DTD1: variants seen among roughly 807,000 people sequenced by gnomAD.
The protein encoded by DTD1 is D-tyrosyl-tRNA deacylase 1 homolog.
DTD1 carries 13 observed loss-of-function variants against 25.6 expected under a neutral mutation model. The observed-to-expected ratio is 0.51, with a 90% CI of 0.33 to 0.81. The LOEUF is 0.81. Among genes scored for constraint, DTD1 ranks in the 30% least tolerant of loss-of-function variants. The pLI is 0.02. For synonymous variants in DTD1, 110 were observed against 103.6 expected, an observed-to-expected ratio of 1.06 and a Z score of -0.37; for missense variants, 193 against 266.4, an observed-to-expected ratio of 0.72 and a Z score of 1.92.
At chr20:18,680,844 G>C (rs1300853709) in intron 4 of DTD1, among the ~76,000 whole-genome samples, 2 of 152,120 alleles carry the variant, frequency 1.3e-5, no homozygotes, top group Non-Finnish European at 2.9e-5. Flanking sequence ...CTTTGGTGGT[G>C]TCATCTTAAA....
At chr20:18,723,739 T>G (rs1268924410) in intron 4 of DTD1, among the ~76,000 whole-genome samples, 4 of 152,236 alleles carry the variant, frequency 2.6e-5, no homozygotes, top group Admixed American at 1.3e-4. Context: ...GCAGCTCCAT[T>G]GTAGAGGAAA....
chr20:18,711,974 C>T (rs1031255882), intron 4 of DTD1, among the ~76,000 whole-genome samples: 1 of 151,346 alleles, frequency 6.6e-6, no homozygotes, highest in Non-Finnish European at 1.5e-5. Context: ...GAGGCTGAAG[C>T]AGGAGAATTG....
At chr20:18,619,432 AT>A (rs564886001) in intron 3 of DTD1, among the ~76,000 whole-genome samples, 11 of 150,952 alleles carry the variant, frequency 7.3e-5, no homozygotes, top group Admixed American at 6.6e-5. Context: ...TTTGTTTTTA[AT>A]TTTTTTTTGG....
intron 4 of DTD1, among the ~76,000 whole-genome samples, chr20:18,694,532 A>T (rs763912941): frequency 6.6e-6 from 1 of 152,196 alleles, no homozygotes; most frequent in Non-Finnish European, 1.5e-5. Flanking sequence ...GGCTATTATT[A>T]CGGTAACCTT....
chr20:18,623,046 T>G (rs1351622711), intron 3 of DTD1, among the ~76,000 whole-genome samples: 1 of 151,044 alleles, frequency 6.6e-6, no homozygotes, highest in East Asian at 1.9e-4. Flanking sequence ...TTCAAGCGAT[T>G]CTTCTGCCTC....
chr20:18,746,887 GT>G (rs1326883384), intron 5 of DTD1, among the ~76,000 whole-genome samples: 2 of 152,104 alleles, frequency 1.3e-5, no homozygotes, highest in East Asian at 3.9e-4. Context: ...TCATCACTGT[GT>G]TTTCCTGCTA....
chr20:18,676,833 C>T (rs571878567), intron 4 of DTD1, among the ~76,000 whole-genome samples: 14 of 152,296 alleles, frequency 9.2e-5, no homozygotes, highest in African/African-American at 2.9e-4. Flanking sequence ...TGGTGTTTCA[C>T]ACTTGTGCAT....
At chr20:18,707,863 C>T (rs1472785093) in intron 4 of DTD1, among the ~76,000 whole-genome samples, 1 of 152,004 alleles carries the variant, frequency 6.6e-6, no homozygotes, top group Non-Finnish European at 1.5e-5. Flanking sequence ...TGTCCCTTGG[C>T]ACCTCTCCGA....
chr20:18,751,084 T>TGTGG lies in DTD1; in HGVS notation c.*19+6814_*19+6815insTGGG, dbSNP rs771328640. 1.5e-4 allele frequency among the ~76,000 whole-genome samples: 22 copies of TGTGG among 151,420 alleles called. No individual in the cohort carries two copies. The East Asian group carries it at 4.1e-3, about 28-fold the overall frequency. On this transcript the variant is annotated intron_variant, in intron 5 of 5. Coordinates refer to ENST00000377452, the MANE Select transcript of DTD1 (RefSeq NM_080820.6). Reference sequence around the variant, plus strand: ...GCAGCCGTGTGTGTGTGTGTGTGTGTGGGTGTGTGTTTTCTGTTGAAAAGG... The same window carrying TGTGG: ...GCAGCCGTGTGTGTGTGTGTGTGTGTGTGGGGGTGTGTGTTTTCTGTTGAAAAGG...
At chr20:18,759,848 T>G (rs1296864440) in intron 5 of DTD1, among the ~76,000 whole-genome samples, 2 of 152,234 alleles carry the variant, frequency 1.3e-5, no homozygotes, top group Non-Finnish European at 1.5e-5. Flanking sequence ...TTGGTTCCAT[T>G]CTCCCCGTCA....
intron 4 of DTD1, among the ~76,000 whole-genome samples, chr20:18,684,699 G>A (rs2061010002): frequency 1.3e-5 from 2 of 151,940 alleles, no homozygotes; most frequent in Admixed American, 1.3e-4. Context: ...ATTTCAAGGT[G>A]GTGATTTGTC....
At chr20:18,588,895 A>AT in intron 1 of DTD1, 1 of 983,378 alleles carries the variant, frequency 1.0e-6, no homozygotes, top group Non-Finnish European at 1.2e-6. Flanking sequence ...TACGAAAGAT[A>AT]TTTTTTAAAA....
intron 4 of DTD1, among the ~76,000 whole-genome samples, chr20:18,686,740 C>T (rs11907793): frequency 0.36 from 54,811 of 151,338 alleles, 10,231 homozygotes; most frequent in Non-Finnish European, 0.41. Flanking sequence ...TTTATCTTTT[C>T]AATGGAGGTG....
intron 4 of DTD1, among the ~76,000 whole-genome samples, chr20:18,738,194 G>T (rs558113986): frequency 6.6e-6 from 1 of 152,336 alleles, no homozygotes; most frequent in African/African-American, 2.4e-5. Context: ...AGCAAGAGAG[G>T]TCATGTGGCT....
intron 3 of DTD1, among the ~76,000 whole-genome samples, chr20:18,627,096 T>C (rs919797358): frequency 2.0e-5 from 3 of 152,254 alleles, no homozygotes; most frequent in Admixed American, 6.5e-5. Flanking sequence ...CCTTTGACTA[T>C]CCAGTAGGAT....
intron 4 of DTD1, among the ~76,000 whole-genome samples, chr20:18,725,753 G>T (rs1196639187): frequency 6.6e-6 from 1 of 152,174 alleles, no homozygotes; most frequent in Non-Finnish European, 1.5e-5. Context: ...GATGATGATG[G>T]TCAGTATCAC....
At chr20:18,686,646 C>CTGTGTGTG (rs56350174) in intron 4 of DTD1, among the ~76,000 whole-genome samples, 4,331 of 149,002 alleles carry the variant, frequency 0.029, 92 homozygotes, top group African/African-American at 0.061. Flanking sequence ...TATTTATTAG[C>CTGTGTGTG]TGTGTGTGTG....
intron 4 of DTD1, chr20:18,679,023 T>C (rs2060986651): frequency 1.3e-5 from 2 of 152,252 alleles, no homozygotes; most frequent in Admixed American, 1.3e-4. Flanking sequence ...CCTGGGCTTA[T>C]GTCAGCAGCT....
chr20:18,746,215 A>G (rs910612488), intron 5 of DTD1, among the ~76,000 whole-genome samples: 9 of 152,128 alleles, frequency 5.9e-5, no homozygotes, highest in African/African-American at 1.7e-4. Context: ...CGGACATACA[A>G]TTTGGAGCCT....
Sources: gnomAD v4.1 joint callset for allele counts (sites outside exome capture counted in the v4.1 genomes callset) on GRCh38, gnomAD v4.1.1 for gene constraint, MANE v1.5 for transcripts, NCBI Gene and HGNC (gene_info 2026-07-23, HGNC 2026-07-21) for gene names.